Variants in LTBP2 observed in about 807,000 individuals in gnomAD.
LTBP2 encodes the protein latent transforming growth factor beta binding protein 2, also known as latent-transforming growth factor beta-binding protein 2.
In LTBP2, 103 loss-of-function variants were observed where a neutral mutation model predicts 210.6. The observed-to-expected ratio is 0.49, with a 90% confidence interval of 0.42 to 0.58. LTBP2 has a LOEUF of 0.58. Ranked by LOEUF, LTBP2 falls within the 20% of genes least tolerant of loss-of-function variation. The probability of loss-of-function intolerance (pLI) is 0.00; values close to 1 mark genes in which losing one functional copy is unlikely to be tolerated. For missense variants in LTBP2, 2,313 were observed against 2,494.5 expected (o/e 0.93, Z 1.55); for synonymous variants, 1,007 against 1,015.0 (o/e 0.99, Z 0.15).
At chr14:74,565,513 T>G (rs2087891514) in intron 3 of LTBP2, among the ~76,000 whole-genome samples, 1 of 152,166 alleles carries the variant, frequency 6.6e-6, no homozygotes, top group Non-Finnish European at 1.5e-5. Context: ...TAGAGACAGA[T>G]AATTCCCAGC....
chr14:74,540,823 T>C (rs1490059732), intron 8 of LTBP2, among the ~76,000 whole-genome samples: 43 of 8,010 alleles, frequency 5.4e-3, no homozygotes, highest in African/African-American at 6.3e-3. Context: ...TATATATATT[T>C]TTATATAATA....
chr14:74,561,375 A>G (rs1027847221), intron 3 of LTBP2, among the ~76,000 whole-genome samples: 2 of 152,194 alleles, frequency 1.3e-5, no homozygotes, highest in African/African-American at 4.8e-5. Context: ...ATGAAGCCAG[A>G]TATTTTATAT....
intron 3 of LTBP2, among the ~76,000 whole-genome samples, chr14:74,575,684 C>G (rs1177427083): frequency 6.6e-6 from 1 of 152,212 alleles, no homozygotes; most frequent in Non-Finnish European, 1.5e-5. Flanking sequence ...GGACCCTCCA[C>G]AAGCCTTAGT....
intron 9 of LTBP2, 65 bp downstream of exon 9, chr14:74,535,861 T>C: frequency 1.4e-6 from 2 of 1,425,118 alleles, no homozygotes; most frequent in Non-Finnish European, 9.9e-7. Flanking sequence ...CAGACACCCC[T>C]CCTGTCTGGT....
intron 2 of LTBP2, among the ~76,000 whole-genome samples, chr14:74,596,733 T>C (rs1039582111): frequency 6.6e-6 from 1 of 152,182 alleles, no homozygotes; most frequent in African/African-American, 2.4e-5. Context: ...TGTCAAAGCC[T>C]GAGTGAGAGG....
intron 2 of LTBP2, among the ~76,000 whole-genome samples, chr14:74,596,828 C>T (rs765379036): frequency 2.0e-5 from 3 of 152,180 alleles, no homozygotes; most frequent in Middle Eastern, 6.8e-3. Context: ...AAGACCTGCA[C>T]GGGGGAGTTA....
chr14:74,583,635 A>G (rs2088165818), intron 3 of LTBP2, among the ~76,000 whole-genome samples: 2 of 152,222 alleles, frequency 1.3e-5, no homozygotes, highest in African/African-American at 4.8e-5. Flanking sequence ...CACACAGGAA[A>G]CCTTCACTGG....
At chr14:74,579,316 G>T (rs750247865) in intron 3 of LTBP2, among the ~76,000 whole-genome samples, 1 of 152,178 alleles carries the variant, frequency 6.6e-6, no homozygotes. Context: ...AGTTCCCTCC[G>T]TTCCCTCAGA....
intron 18 of LTBP2, among the ~76,000 whole-genome samples, chr14:74,515,871 G>C (rs1045062509): frequency 2.0e-5 from 3 of 152,196 alleles, no homozygotes; most frequent in Non-Finnish European, 2.9e-5. Context: ...GGGAGGCATT[G>C]GGAGGTGACA....
intron 2 of LTBP2, among the ~76,000 whole-genome samples, chr14:74,592,531 CA>C (rs1202679440): frequency 1.3e-5 from 2 of 151,630 alleles, no homozygotes; most frequent in African/African-American, 2.4e-5. Context: ...CCCATCTCTA[CA>C]AAAAAAACTT....
intron 2 of LTBP2, among the ~76,000 whole-genome samples, chr14:74,590,826 G>A (rs1467249079): frequency 6.6e-6 from 1 of 152,022 alleles, no homozygotes; most frequent in Non-Finnish European, 1.5e-5. Flanking sequence ...TGATACAATG[G>A]ACTTTAGAGA....
chr14:74,606,380 C>T (rs2088526544), intron 1 of LTBP2, among the ~76,000 whole-genome samples: 1 of 152,264 alleles, frequency 6.6e-6, no homozygotes, highest in Non-Finnish European at 1.5e-5. Flanking sequence ...ACAGCCAAGG[C>T]TTTGCTCCTC....
At chr14:74,601,279 C>T (rs2088442619) in intron 2 of LTBP2, among the ~76,000 whole-genome samples, 1 of 152,172 alleles carries the variant, frequency 6.6e-6, no homozygotes. Flanking sequence ...GGCGTGGTGG[C>T]TCACACCTGT....
At chr14:74,583,113 C>T (rs887426940) in intron 3 of LTBP2, among the ~76,000 whole-genome samples, 2 of 152,210 alleles carry the variant, frequency 1.3e-5, no homozygotes, top group African/African-American at 4.8e-5. Flanking sequence ...CTGCCTGGGA[C>T]ACTCCTGGCC....
At position 74,511,313 on chromosome 14, in the gene LTBP2, T is replaced by C. The variant is rs1375623411; in HGVS notation, c.2960A>G (p.Asn987Ser). 6.2e-6 allele frequency: 10 copies of C among 1,613,942 alleles called. No homozygotes were observed. The highest frequency in any genetic ancestry group is 5.3e-5 in the African/African-American group (4 of 74,904). Residue 987 changes from asparagine (N) to serine (S), a missense_variant, in exon 19 of 36, where the codon AAT (asparagine) becomes AGT (serine). By Grantham distance (46) the Asn-to-Ser change is conservative. Coordinates refer to ENST00000261978, the MANE Select transcript of LTBP2 (RefSeq NM_000428.3). ...CAGACAAGTGTAGGAGCCAGGGGAA[T>C]TGACGCATCTCCCATCAGGGCAGGT... ...PGTCPDGRCV[N>S]SPGSYTCLAC...
intron 3 of LTBP2, among the ~76,000 whole-genome samples, chr14:74,579,535 G>A (rs2088108345): frequency 6.6e-6 from 1 of 152,226 alleles, no homozygotes; most frequent in African/African-American, 2.4e-5. Flanking sequence ...GTGGAGCCGT[G>A]GAGGCTGAGG....
chr14:74,515,938 G>C (rs2087128914), intron 18 of LTBP2, among the ~76,000 whole-genome samples: 1 of 152,226 alleles, frequency 6.6e-6, no homozygotes, highest in Non-Finnish European at 1.5e-5. Context: ...TCTCCCCTTT[G>C]CTTCTCTGGA....
Position 74,507,269 on chromosome 14 carries a change from T to C in LTBP2, c.3817A>G (p.Thr1273Ala). ...CEDYGDPVCG[T>A]WKCENSPGSY... The stretch of plus-strand genomic sequence containing the variant: ...CCAGGGCTGTTTTCACACTTCCAGG[T>C]GCCACACACCGGGTCTCCATAGTCC... The change falls in exon 26 of 36, where the codon ACC becomes GCC. Residue 1273 changes from threonine (T) to alanine (A), a missense_variant. Coordinates refer to ENST00000261978, the MANE Select transcript of LTBP2 (RefSeq NM_000428.3). The C allele has an allele frequency of 6.2e-7, 1 of 1,614,168 alleles. No homozygotes were observed. Among genetic ancestry groups the C allele is most frequent in the Non-Finnish European group, 8.5e-7 (1 of 1,180,014 alleles).
chr14:74,572,957 T>C (rs2088005014), intron 3 of LTBP2, among the ~76,000 whole-genome samples: 1 of 152,258 alleles, frequency 6.6e-6, no homozygotes, highest in Non-Finnish European at 1.5e-5. Flanking sequence ...CTAGATGCTA[T>C]GAACATAGCT....
Sources: gnomAD v4.1 joint callset for allele counts (sites outside exome capture counted in the v4.1 genomes callset) on GRCh38, gnomAD v4.1.1 for gene constraint, MANE v1.5 for transcripts, NCBI Gene and HGNC (gene_info 2026-07-23, HGNC 2026-07-21) for gene names.